The following TMEM116 variants were observed in gnomAD, a reference collection of about 807,000 sequenced individuals.
The protein encoded by TMEM116 is transmembrane protein 116.
In TMEM116, 38 loss-of-function variants were observed where a neutral mutation model predicts 44.3. The ratio of observed to expected loss-of-function variants is 0.86; its 90% CI spans 0.66 to 1.12. The LOEUF (loss-of-function observed/expected upper bound fraction) is 1.12, where lower values mean the gene tolerates loss of function less well. Among genes scored for constraint, TMEM116 ranks in the 50% most tolerant of loss-of-function variants. The probability of loss-of-function intolerance (pLI) is 0.00; values close to 1 mark genes in which losing one functional copy is unlikely to be tolerated. For synonymous variants in TMEM116, 132 were observed against 144.8 expected, an observed-to-expected ratio of 0.91 and a Z score of 0.64; for missense variants, 354 against 401.7, an observed-to-expected ratio of 0.88 and a Z score of 1.01.
At chr12:111,940,623 G>A (rs1336205184) in intron 5 of TMEM116, among the ~76,000 whole-genome samples, 2 of 147,256 alleles carry the variant, frequency 1.4e-5, no homozygotes, top group Non-Finnish European at 3.0e-5. Context: ...CAGTGATAGA[G>A]TATGGGTTAT....
At chr12:111,991,952 A>G (rs1230823128) in intron 3 of TMEM116, 63 bp from the exon 4 acceptor site, 2 of 1,458,628 alleles carry the variant, frequency 1.4e-6, no homozygotes, top group African/African-American at 2.8e-5. Context: ...TAACAATGTA[A>G]CAGTTCTTAC....
intron 1 of TMEM116, chr12:112,006,238 T>C (rs1448287637): frequency 6.6e-6 from 1 of 151,886 alleles, no homozygotes; most frequent in African/African-American, 2.4e-5. Context: ...CATTAGGAAT[T>C]AAAAGGAGCA....
chr12:112,003,495 G>A (rs2077394073), intron 3 of TMEM116: 2 of 201,998 alleles, frequency 9.9e-6, no homozygotes, highest in South Asian at 8.0e-5. Context: ...GTGAACTCGG[G>A]AGGTGGAGCT....
chr12:111,931,830 G>A lies in TMEM116; in HGVS notation c.808-3C>T. ...CCCTGAGATGTTGCCGTTAGAGCCT[G>A]GAGGAGATGAAGGGGTGATGCAGCC... On this transcript the variant is annotated splice_region_variant and splice_polypyrimidine_tract_variant and intron_variant, in intron 10 of 10. Transcript: ENST00000552374. 6.7e-7 allele frequency: 1 copy of A among 1,502,902 alleles called. No homozygotes were observed. The highest frequency in any genetic ancestry group is 1.4e-5 in the African/African-American group (1 of 70,344). The allele number at this position is 1,502,902 out of a possible 1,614,324, so 93.1% of individuals were successfully genotyped here.
intron 3 of TMEM116, among the ~76,000 whole-genome samples, chr12:111,996,873 A>G (rs2076956956): frequency 6.6e-6 from 1 of 152,262 alleles, no homozygotes; most frequent in Non-Finnish European, 1.5e-5. Flanking sequence ...GCTCTATACA[A>G]CGTGGATACA....
rs533448276 is a variant in TMEM116, at chr12:111,944,498, A to T, written c.211-1129T>A. 2.0e-5 allele frequency among the ~76,000 whole-genome samples: 3 copies of T among 152,212 alleles called. No homozygotes were observed. In the South Asian group the frequency reaches 6.2e-4, roughly 32 times the overall value. On this transcript the variant is annotated intron_variant, in intron 4 of 10. Coordinates refer to ENST00000552374, the MANE Select transcript of TMEM116 (RefSeq NM_001193531.2). The stretch of plus-strand genomic sequence containing the variant: ...TGGTGAAACCCCATCTCTACTATAA[A>T]TACAAAAATTAGAGTGAGTACAGGA...
At chr12:111,967,319 T>C (rs1053133011) in intron 4 of TMEM116, among the ~76,000 whole-genome samples, 1 of 152,158 alleles carries the variant, frequency 6.6e-6, no homozygotes, top group Non-Finnish European at 1.5e-5. Flanking sequence ...TCTCCTAAAG[T>C]TGAATAAATG....
At chr12:111,999,340 G>A (rs1016076522) in intron 3 of TMEM116, among the ~76,000 whole-genome samples, 16 of 152,142 alleles carry the variant, frequency 1.1e-4, no homozygotes, top group African/African-American at 3.9e-4. Flanking sequence ...ACTCACGCCT[G>A]TAATCCCAGC....
chr12:111,975,991 G>T (rs955447486), intron 4 of TMEM116, among the ~76,000 whole-genome samples: 1 of 152,016 alleles, frequency 6.6e-6, no homozygotes, highest in Non-Finnish European at 1.5e-5. Flanking sequence ...AAGTTTTTTT[G>T]TTTTGTTTTG....
At chr12:111,985,301 C>T (rs570082405) in intron 4 of TMEM116, among the ~76,000 whole-genome samples, 35 of 151,680 alleles carry the variant, frequency 2.3e-4, no homozygotes, top group African/African-American at 7.5e-4. Flanking sequence ...CACACACACA[C>T]GCAACTGTTC....
chr12:111,948,462 A>G (rs1028684613), intron 4 of TMEM116, among the ~76,000 whole-genome samples: 7 of 152,330 alleles, frequency 4.6e-5, no homozygotes, highest in Non-Finnish European at 7.3e-5. Context: ...TACAGTGCCA[A>G]TCAATAGTAG....
At position 111,938,187 on chromosome 12, in the gene TMEM116, A is replaced by G; in HGVS notation, c.339T>C (p.Val113=). Residue 113 remains valine (V), a synonymous_variant, in exon 6 of 11, where the codon GTT becomes GTC. Coordinates refer to ENST00000552374, the MANE Select transcript of TMEM116 (RefSeq NM_001193531.2). ...SPLVIDYTCR[V]CQMAFVFSSL... ...TTGAGAAAACAAAGGCCATTTGACA[A>G]ACTCGACAAGTATAATCTATCACCT... The G allele has an allele frequency of 6.3e-7, 1 of 1,597,882 alleles. No individual in the cohort carries two copies. Among genetic ancestry groups the G allele is most frequent in the Middle Eastern group, 1.7e-4 (1 of 5,980 alleles).
chr12:111,968,127 G>C (rs1296197851), intron 4 of TMEM116, among the ~76,000 whole-genome samples: 1 of 152,150 alleles, frequency 6.6e-6, no homozygotes, highest in Non-Finnish European at 1.5e-5. Flanking sequence ...GGATTTGCAA[G>C]ATCTACTGAC....
intron 10 of TMEM116, 72 bp downstream of exon 10, chr12:111,932,514 C>T (rs528834727): frequency 1.7e-4 from 222 of 1,279,498 alleles, no homozygotes; most frequent in East Asian, 6.5e-4. Context: ...TCATCCTTAC[C>T]GAGTAAAGGT....
At chr12:111,961,598 G>C (rs2074592390) in intron 4 of TMEM116, among the ~76,000 whole-genome samples, 1 of 152,090 alleles carries the variant, frequency 6.6e-6, no homozygotes, top group Admixed American at 6.6e-5. Context: ...ATGCAGAAAA[G>C]GACTTTGACA....
intron 4 of TMEM116, among the ~76,000 whole-genome samples, chr12:111,950,806 T>C (rs965979098): frequency 4.6e-5 from 7 of 152,026 alleles, no homozygotes; most frequent in Non-Finnish European, 1.0e-4. Flanking sequence ...CAAAAGCAAT[T>C]GCAAAAAATG....
intron 4 of TMEM116, among the ~76,000 whole-genome samples, chr12:111,967,982 G>A (rs1055682353): frequency 7.9e-5 from 12 of 152,264 alleles, no homozygotes; most frequent in Admixed American, 6.5e-4. Flanking sequence ...GGGAGGCCTT[G>A]TGAACTCCCT....
At chr12:112,007,304 C>G (rs2077634705) in intron 1 of TMEM116, among the ~76,000 whole-genome samples, 1 of 152,128 alleles carries the variant, frequency 6.6e-6, no homozygotes, top group Admixed American at 6.6e-5. Flanking sequence ...ATCCCAGCTA[C>G]TCGGGAGGCT....
At chr12:111,985,196 G>T (rs990382619) in intron 4 of TMEM116, among the ~76,000 whole-genome samples, 1 of 151,966 alleles carries the variant, frequency 6.6e-6, no homozygotes, top group Non-Finnish European at 1.5e-5. Context: ...AGAAATAAAA[G>T]ATAATGAAAT....
Sources: allele counts gnomAD v4.1 joint callset (sites outside exome capture counted in the v4.1 genomes callset), GRCh38; gene constraint gnomAD v4.1.1; transcripts MANE v1.5; gene names NCBI Gene and HGNC (gene_info 2026-07-23, HGNC 2026-07-21).